NCKAP5: variants seen among roughly 807,000 people sequenced by gnomAD.
NCKAP5 encodes the protein nck-associated protein 5.
In NCKAP5, 92 loss-of-function variants were observed where a neutral mutation model predicts 167.0. The ratio of observed to expected loss-of-function variants is 0.55; its 90% CI spans 0.47 to 0.66. NCKAP5 has a LOEUF of 0.66. Among genes scored for constraint, NCKAP5 ranks in the 30% least tolerant of loss-of-function variants. NCKAP5 has a pLI of 0.00. For synonymous variants in NCKAP5, 891 were observed against 877.4 expected (o/e 1.02, Z -0.27); for missense variants, 2,378 against 2,315.0 (o/e 1.03, Z -0.56).
At chr2:133,500,835 A>G (rs1394245773) in intron 3 of NCKAP5, among the ~76,000 whole-genome samples, 1 of 152,204 alleles carries the variant, frequency 6.6e-6, no homozygotes, top group Non-Finnish European at 1.5e-5. Flanking sequence ...CTCTTCACTA[A>G]TAACTGATGC....
intron 2 of NCKAP5, among the ~76,000 whole-genome samples, chr2:133,530,546 A>T (rs1203861229): frequency 6.6e-6 from 1 of 152,182 alleles, no homozygotes; most frequent in Non-Finnish European, 1.5e-5. Flanking sequence ...GAGTCTTTCC[A>T]TTCAGCGACA....
intron 3 of NCKAP5, among the ~76,000 whole-genome samples, chr2:133,322,633 A>C (rs1682139735): frequency 6.6e-6 from 1 of 152,188 alleles, no homozygotes; most frequent in Non-Finnish European, 1.5e-5. Flanking sequence ...TCTTTCTAGT[A>C]ATTTTCACCA....
chr2:132,863,042 G>A (rs1479999637), intron 10 of NCKAP5, among the ~76,000 whole-genome samples: 2 of 151,932 alleles, frequency 1.3e-5, no homozygotes, highest in African/African-American at 4.8e-5. Flanking sequence ...GGCTGGTCTC[G>A]AACTCCTGAT....
chr2:132,743,114 G>T (rs1370558213), intron 16 of NCKAP5, among the ~76,000 whole-genome samples: 1 of 151,758 alleles, frequency 6.6e-6, no homozygotes, highest in African/African-American at 2.4e-5. Flanking sequence ...TTCTGACATT[G>T]AAAGATAAGC....
chr2:132,753,434 G>T (rs558058654), intron 16 of NCKAP5, among the ~76,000 whole-genome samples: 4 of 152,284 alleles, frequency 2.6e-5, no homozygotes, highest in Admixed American at 2.6e-4. Flanking sequence ...TTATGGAAAT[G>T]GTCTGAGAAC....
chr2:133,563,336 C>T (rs572323975), intron 1 of NCKAP5, among the ~76,000 whole-genome samples: 11 of 151,894 alleles, frequency 7.2e-5, no homozygotes, highest in Non-Finnish European at 1.0e-4. Flanking sequence ...TTTGGGTGAC[C>T]GAAGTGGGCA....
At chr2:133,642,865 A>C in the NCKAP5 span, among the ~76,000 whole-genome samples, 1 of 152,376 alleles carries the variant, frequency 6.6e-6, no homozygotes, top group Non-Finnish European at 1.5e-5. Flanking sequence ...AAAGAGCTAA[A>C]TATGAAAGGC....
At chr2:133,407,445 T>C (rs1688505978) in intron 3 of NCKAP5, among the ~76,000 whole-genome samples, 1 of 152,172 alleles carries the variant, frequency 6.6e-6, no homozygotes, top group Non-Finnish European at 1.5e-5. Flanking sequence ...TTCAAAGCAA[T>C]TTGGCAAGCC....
chr2:133,466,320 A>G (rs1231934869), intron 3 of NCKAP5, among the ~76,000 whole-genome samples: 6 of 148,982 alleles, frequency 4.0e-5, no homozygotes, highest in African/African-American at 1.0e-4. Flanking sequence ...AGATAGTTGT[A>G]GATATGCGGC....
chr2:133,157,632 C>T (rs2083622556), intron 5 of NCKAP5, among the ~76,000 whole-genome samples: 1 of 151,858 alleles, frequency 6.6e-6, no homozygotes, highest in African/African-American at 2.4e-5. Flanking sequence ...TTAGACATGC[C>T]CAGGAATTTC....
intron 3 of NCKAP5, among the ~76,000 whole-genome samples, chr2:133,336,586 CA>C (rs1248706492): frequency 6.6e-6 from 1 of 151,832 alleles, no homozygotes; most frequent in Non-Finnish European, 1.5e-5. Context: ...CATTTAGAAG[CA>C]AAAACAAACA....
the NCKAP5 span, among the ~76,000 whole-genome samples, chr2:133,633,234 T>C: frequency 6.6e-6 from 1 of 152,172 alleles, no homozygotes; most frequent in Non-Finnish European, 1.5e-5. Context: ...ATCCAGCTCA[T>C]AGCACAGATA....
chr2:133,323,315 A>G, intron 3 of NCKAP5, among the ~76,000 whole-genome samples: 1 of 152,186 alleles, frequency 6.6e-6, no homozygotes, highest in East Asian at 1.9e-4. Context: ...CTCAGCAAAC[A>G]TTAGTTCTAT....
intron 3 of NCKAP5, among the ~76,000 whole-genome samples, chr2:133,425,460 G>T (rs1480226559): frequency 3.9e-5 from 6 of 152,118 alleles, no homozygotes; most frequent in Non-Finnish European, 7.4e-5. Flanking sequence ...GGGAATAAAA[G>T]ATTACAATTA....
At chr2:133,331,581 T>C (rs573645761) in intron 3 of NCKAP5, among the ~76,000 whole-genome samples, 102 of 152,300 alleles carry the variant, frequency 6.7e-4, no homozygotes, top group African/African-American at 2.4e-3. Context: ...AGGAAAGCAA[T>C]TATTGTGTCC....
At chr2:132,772,045 G>T (rs759557564) in intron 16 of NCKAP5, among the ~76,000 whole-genome samples, 1 of 151,812 alleles carries the variant, frequency 6.6e-6, no homozygotes, top group African/African-American at 2.4e-5. Flanking sequence ...TGGGTAGATA[G>T]ACAAATACTT....
chr2:132,926,115 CT>C, intron 8 of NCKAP5: 1 of 329,276 alleles, frequency 3.0e-6, no homozygotes, highest in Admixed American at 3.0e-5. Context: ...TTAGTTCCCA[CT>C]TACAAGTGAG....
intron 16 of NCKAP5, among the ~76,000 whole-genome samples, chr2:132,764,684 A>G (rs1681298228): frequency 6.6e-6 from 1 of 152,220 alleles, no homozygotes; most frequent in South Asian, 2.1e-4. Context: ...AACAGTATCT[A>G]TCAAAGTTAT....
intron 6 of NCKAP5, among the ~76,000 whole-genome samples, chr2:133,039,768 G>A (rs2079153317): frequency 6.6e-6 from 1 of 152,144 alleles, no homozygotes; most frequent in Admixed American, 6.6e-5. Flanking sequence ...GACTCAACAA[G>A]CACTCCCTAA....
Sources: allele counts gnomAD v4.1 joint callset (sites outside exome capture counted in the v4.1 genomes callset), GRCh38; gene constraint gnomAD v4.1.1; transcripts MANE v1.5; gene names NCBI Gene and HGNC (gene_info 2026-07-23, HGNC 2026-07-21).